The following GLIS3 variants were observed in gnomAD, a reference collection of about 807,000 sequenced individuals.
GLIS3 encodes the protein zinc finger protein GLIS3.
In GLIS3, 53 loss-of-function variants were observed where a neutral mutation model predicts 78.6. The observed-to-expected ratio is 0.67, with a 90% CI of 0.54 to 0.85. The LOEUF (loss-of-function observed/expected upper bound fraction) is 0.85. Among genes scored for constraint, GLIS3 ranks in the 40% least tolerant of loss-of-function variants. The pLI is 0.00. For synonymous variants in GLIS3, 684 were observed against 509.9 expected, an observed-to-expected ratio of 1.34 and a Z score of -4.60; for missense variants, 1,703 against 1,231.1, an observed-to-expected ratio of 1.38 and a Z score of -5.74.
chr9:4,099,440 C>T (rs1187928464), intron 4 of GLIS3, among the ~76,000 whole-genome samples: 1 of 145,786 alleles, frequency 6.9e-6, no homozygotes, highest in Non-Finnish European at 1.5e-5. Flanking sequence ...TGTCTTTGCA[C>T]ATCACCTTCC....
At chr9:4,261,799 G>C (rs763288280) in intron 2 of GLIS3, among the ~76,000 whole-genome samples, 3 of 152,060 alleles carry the variant, frequency 2.0e-5, no homozygotes, top group Non-Finnish European at 4.4e-5. Context: ...CATGAAAATA[G>C]GTCCTTTTCA....
At chr9:4,433,776 T>A in the GLIS3 span, among the ~76,000 whole-genome samples, 2 of 152,210 alleles carry the variant, frequency 1.3e-5, no homozygotes, top group African/African-American at 4.8e-5. Flanking sequence ...TGCTTCCACT[T>A]GCTAGTGGTG....
intron 2 of GLIS3, among the ~76,000 whole-genome samples, chr9:4,146,537 T>A (rs1834238651): frequency 6.6e-6 from 1 of 152,212 alleles, no homozygotes; most frequent in Non-Finnish European, 1.5e-5. Flanking sequence ...GCAACACTAC[T>A]CAGCAGCAAT....
chr9:4,443,722 G>C, the GLIS3 span, among the ~76,000 whole-genome samples: 4 of 152,328 alleles, frequency 2.6e-5, no homozygotes, highest in Middle Eastern at 3.4e-3. Context: ...ACAGGAAAAG[G>C]AGTAACAGGC....
chr9:4,108,722 T>C (rs906189397), intron 4 of GLIS3, among the ~76,000 whole-genome samples: 4 of 152,200 alleles, frequency 2.6e-5, no homozygotes, highest in Non-Finnish European at 5.9e-5. Flanking sequence ...CAAACAAACA[T>C]TCTAAAACAC....
rs150691461 is a variant in GLIS3 at position 4,001,275 on chromosome 9, A to G, written c.1711-64086T>C. ...CTTATTCAAAAAAAATCTTTTGGCA[A>G]TGAATCATGCTTTCAATGGCTTTTA... is the stretch of plus-strand genomic sequence containing the variant. On this transcript the variant is annotated intron_variant, in intron 4 of 10. Coordinates refer to ENST00000381971, the MANE Select transcript of GLIS3 (RefSeq NM_001042413.2). 5.9e-3 allele frequency among the ~76,000 whole-genome samples: 895 copies of G among 152,368 alleles called. 13 individuals carry two copies. Among genetic ancestry groups the G allele is most frequent in the African/African-American group, 0.021 (857 of 41,590 alleles).
At chr9:4,077,978 C>G (rs1588618082) in intron 4 of GLIS3, among the ~76,000 whole-genome samples, 2 of 152,270 alleles carry the variant, frequency 1.3e-5, no homozygotes, top group South Asian at 2.1e-4. Context: ...CCCTTTTTTA[C>G]TTTCCCAGTT....
At chr9:4,375,499 G>A in the GLIS3 span, among the ~76,000 whole-genome samples, 1 of 152,276 alleles carries the variant, frequency 6.6e-6, no homozygotes, top group Non-Finnish European at 1.5e-5. Context: ...TCTTTCTGAA[G>A]ATGTTTTCAG....
At chr9:4,070,679 T>C (rs1827521350) in intron 4 of GLIS3, among the ~76,000 whole-genome samples, 1 of 152,190 alleles carries the variant, frequency 6.6e-6, no homozygotes, top group Non-Finnish European at 1.5e-5. Context: ...TGGGTTATTA[T>C]TCTGTTATTA....
At chr9:4,135,710 A>C (rs1833357014) in intron 2 of GLIS3, among the ~76,000 whole-genome samples, 1 of 152,184 alleles carries the variant, frequency 6.6e-6, no homozygotes, top group African/African-American at 2.4e-5. Flanking sequence ...AAATGGGAGA[A>C]ACATCAAGTA....
At chr9:4,193,355 A>C (rs1818503277) in intron 2 of GLIS3, among the ~76,000 whole-genome samples, 1 of 152,262 alleles carries the variant, frequency 6.6e-6, no homozygotes, top group Admixed American at 6.5e-5. Flanking sequence ...CATAGTGTCA[A>C]TGGCTGCTAT....
chr9:3,950,345 T>C (rs1816594902), intron 4 of GLIS3, among the ~76,000 whole-genome samples: 1 of 152,198 alleles, frequency 6.6e-6, no homozygotes, highest in Admixed American at 6.5e-5. Flanking sequence ...TCCTCTTCTG[T>C]GTAGAATTCT....
At chr9:3,986,983 A>G (rs1010676960) in intron 4 of GLIS3, among the ~76,000 whole-genome samples, 6 of 152,234 alleles carry the variant, frequency 3.9e-5, no homozygotes, top group African/African-American at 1.2e-4. Context: ...ACTAATGCCA[A>G]TACCAAAATG....
At chr9:4,009,660 G>A (rs767667777) in intron 4 of GLIS3, among the ~76,000 whole-genome samples, 1 of 152,186 alleles carries the variant, frequency 6.6e-6, no homozygotes, top group Non-Finnish European at 1.5e-5. Context: ...AGTTCCAGAA[G>A]AGCAAAGAGG....
At chr9:3,929,454 C>T (rs751054799) in intron 6 of GLIS3, among the ~76,000 whole-genome samples, 4 of 152,072 alleles carry the variant, frequency 2.6e-5, no homozygotes, top group South Asian at 2.1e-4. Flanking sequence ...CACGTGCCCA[C>T]GGTCAGGGCA....
At chr9:4,395,490 C>T in the GLIS3 span, among the ~76,000 whole-genome samples, 1 of 152,182 alleles carries the variant, frequency 6.6e-6, no homozygotes, top group Non-Finnish European at 1.5e-5. Context: ...CCAAATCCAG[C>T]TCCGATGCTC....
the GLIS3 span, among the ~76,000 whole-genome samples, chr9:4,361,649 C>G: frequency 1.2e-4 from 18 of 152,360 alleles, no homozygotes; most frequent in African/African-American, 4.1e-4. Context: ...CTCCACATTT[C>G]TACCCTAGCC....
the GLIS3 span, among the ~76,000 whole-genome samples, chr9:4,375,338 G>T: frequency 6.6e-6 from 1 of 152,184 alleles, no homozygotes; most frequent in Admixed American, 6.5e-5. Context: ...TTTTCAGGTT[G>T]AGAGTGTGGG....
chr9:4,094,100 C>T (rs549707178), intron 4 of GLIS3, among the ~76,000 whole-genome samples: 11 of 151,966 alleles, frequency 7.2e-5, no homozygotes, highest in East Asian at 1.9e-4. Flanking sequence ...GCTTTAAGCA[C>T]GTGAAAATCT....
Sources: allele counts gnomAD v4.1 joint callset (sites outside exome capture counted in the v4.1 genomes callset), GRCh38; gene constraint gnomAD v4.1.1; transcripts MANE v1.5; gene names NCBI Gene and HGNC (gene_info 2026-07-23, HGNC 2026-07-21).